The following XIRP2 variants were observed in gnomAD, a reference collection of about 807,000 sequenced individuals.
XIRP2 encodes xin actin binding repeat containing 2.
Under a neutral mutation model 277.0 loss-of-function variants are expected in XIRP2, and 236 were observed. The ratio of observed to expected loss-of-function variants is 0.85; its 90% CI spans 0.77 to 0.95. XIRP2 has a LOEUF of 0.95. Ranked by LOEUF, XIRP2 falls within the 40% of genes least tolerant of loss-of-function variation. The probability of loss-of-function intolerance (pLI) is 0.00; values close to 1 mark genes in which losing one functional copy is unlikely to be tolerated. For synonymous variants in XIRP2, 1,490 were observed against 1,416.5 expected, an observed-to-expected ratio of 1.05 and a Z score of -1.17; for missense variants, 4,640 against 4,157.5, an observed-to-expected ratio of 1.12 and a Z score of -3.19.
At chr2:167,098,034 G>A (rs761939576) in intron 2 of XIRP2, among the ~76,000 whole-genome samples, 42 of 152,140 alleles carry the variant, frequency 2.8e-4, no homozygotes, top group Non-Finnish European at 4.4e-4. Context: ...TCTTGGGGTT[G>A]CTCTTCTCGA....
At chr2:167,080,503 A>C (rs1689700352) in intron 2 of XIRP2, among the ~76,000 whole-genome samples, 1 of 152,208 alleles carries the variant, frequency 6.6e-6, no homozygotes, top group African/African-American at 2.4e-5. Flanking sequence ...AGAACTCAGA[A>C]GAAAAGGAGC....
At chr2:167,048,773 C>T (rs1688848998) in intron 2 of XIRP2, among the ~76,000 whole-genome samples, 1 of 151,764 alleles carries the variant, frequency 6.6e-6, no homozygotes, top group Admixed American at 6.6e-5. Context: ...CTTTTGAGTC[C>T]TTTCTAAGTA....
At chr2:167,117,939 G>A (rs1690940659) in intron 2 of XIRP2, among the ~76,000 whole-genome samples, 1 of 152,090 alleles carries the variant, frequency 6.6e-6, no homozygotes, top group African/African-American at 2.4e-5. Flanking sequence ...TTTGTTCTCA[G>A]CTTTGAGATC....
rs201420687 is a variant in XIRP2, at chr2:167,250,756, A to C, written c.9364A>C (p.Thr3122Pro). 1.2e-6 allele frequency: 2 copies of C among 1,613,540 alleles called. No individual in the cohort carries two copies. Among genetic ancestry groups the C allele is most frequent in the Non-Finnish European group, 1.7e-6 (2 of 1,179,724 alleles). The change falls in exon 9 of 11, where the codon ACT becomes CCT. Residue 3122 changes from threonine (T) to proline (P), a missense_variant. Thr to Pro is a conservative substitution (Grantham distance 38). Coordinates refer to ENST00000409195, the MANE Select transcript of XIRP2 (RefSeq NM_152381.6). Reference sequence around the variant, plus strand: ...TTTAAAAACACGCCCACCGTCACCAACTTTTATCACAATAGAATCTACTGC... The same window carrying C: ...TTTAAAAACACGCCCACCGTCACCACCTTTTATCACAATAGAATCTACTGC... ...PSLKTRPPSPTFITIESTARR... is the reference protein window; with the variant it reads ...PSLKTRPPSPPFITIESTARR...
intron 2 of XIRP2, among the ~76,000 whole-genome samples, chr2:166,983,369 T>C (rs1050275257): frequency 1.3e-5 from 2 of 152,166 alleles, no homozygotes; most frequent in Non-Finnish European, 2.9e-5. Context: ...TAAGATTTAT[T>C]TCACATTAAA....
intron 2 of XIRP2, among the ~76,000 whole-genome samples, chr2:166,935,807 T>C (rs1005057585): frequency 6.6e-6 from 1 of 152,226 alleles, no homozygotes; most frequent in Non-Finnish European, 1.5e-5. Context: ...TAATCCAGTA[T>C]ATCATTGATG....
rs570375393 is a variant in XIRP2, at chr2:167,250,125, T to C, written c.8733T>C (p.Ser2911=). 1.2e-6 allele frequency: 2 copies of C among 1,613,322 alleles called. No individual in the cohort carries two copies. Among genetic ancestry groups the C allele is most frequent in the South Asian group, 2.2e-5 (2 of 91,008 alleles). ...VKGIQEKQVF[S]NTKDSKQEIT... ...GCATACAAGAGAAACAAGTCTTCTCTAATACTAAAGATTCAAAGCAAGAGA... is the reference window on the plus strand; with the variant it reads ...GCATACAAGAGAAACAAGTCTTCTCCAATACTAAAGATTCAAAGCAAGAGA... Residue 2911 remains serine (S), a synonymous_variant, in exon 9 of 11, where the codon TCT becomes TCC. Coordinates refer to ENST00000409195, the MANE Select transcript of XIRP2 (RefSeq NM_152381.6).
chr2:166,998,196 C>T (rs749937992), intron 2 of XIRP2, among the ~76,000 whole-genome samples: 7 of 152,240 alleles, frequency 4.6e-5, no homozygotes, highest in Middle Eastern at 3.4e-3. Context: ...GCATGCAAAT[C>T]ACCACAGCAC....
chr2:167,070,799 A>AT (rs961488700), intron 2 of XIRP2, among the ~76,000 whole-genome samples: 4 of 151,840 alleles, frequency 2.6e-5, no homozygotes, highest in Admixed American at 1.3e-4. Context: ...TGACTTTGGC[A>AT]TTTTTTTTAA....
Position 167,249,277 on chromosome 2 carries a change from C to A in XIRP2, c.7885C>A (p.Leu2629Ile). 6.2e-7 allele frequency: 1 copy of A among 1,613,824 alleles called. No homozygotes were observed. The highest frequency in any genetic ancestry group is 8.5e-7 in the Non-Finnish European group (1 of 1,179,828). ...ACTAGGAGTGTGTTCTGATAACCAACTCTCCACAACATCGCCAGAAACAGT... is the reference window on the plus strand; with the variant it reads ...ACTAGGAGTGTGTTCTGATAACCAAATCTCCACAACATCGCCAGAAACAGT... ...RILGVCSDNQ[L>I]STTSPETVAA... Residue 2629 changes from leucine (L) to isoleucine (I), a missense_variant, in exon 9 of 11, where the codon CTC becomes ATC. By Grantham distance (5) the Leu-to-Ile change is conservative. Transcript: ENST00000409195.
rs1409228895 is a variant in XIRP2 at position 167,006,948 on chromosome 2, A to G, written c.408+103058A>G. Among the ~76,000 whole-genome samples the G allele has an allele frequency of 2.0e-5, 3 of 151,688 alleles. No homozygotes were observed. The South Asian group carries it at 6.2e-4, about 31-fold the overall frequency. ...TAATCTAGAAAAGTAATGAAAATCT[A>G]TAGGAACAATGAAGAAGACTTCAAT... On this transcript the variant is annotated intron_variant, in intron 2 of 10. Transcript: ENST00000409195.
At chr2:167,046,271 A>C (rs1004961334) in intron 2 of XIRP2, among the ~76,000 whole-genome samples, 1 of 151,380 alleles carries the variant, frequency 6.6e-6, no homozygotes, top group Non-Finnish European at 1.5e-5. Flanking sequence ...AGACTATGGG[A>C]TTTTCTAGTA....
At chr2:167,136,392 T>C (rs1181856741) in intron 3 of XIRP2, among the ~76,000 whole-genome samples, 1 of 152,152 alleles carries the variant, frequency 6.6e-6, no homozygotes, top group Non-Finnish European at 1.5e-5. Flanking sequence ...AAAACATACT[T>C]GTCTTTCTGT....
intron 2 of XIRP2, among the ~76,000 whole-genome samples, chr2:167,007,979 G>A (rs578161045): frequency 1.3e-4 from 19 of 151,308 alleles, no homozygotes; most frequent in Non-Finnish European, 2.7e-4. Flanking sequence ...TTTTCTCATT[G>A]TAAGTATTCA....
chr2:166,949,463 T>G (rs1685970914), intron 2 of XIRP2, among the ~76,000 whole-genome samples: 1 of 152,074 alleles, frequency 6.6e-6, no homozygotes, highest in Admixed American at 6.6e-5. Flanking sequence ...TTCATCTTGG[T>G]CCTTTTTGTT....
rs1288880689 is a variant in XIRP2 at position 167,244,251 on chromosome 2, A to G, written c.2859A>G (p.Glu953=). 1 of 1,613,808 alleles carries G rather than the reference A, an allele frequency of 6.2e-7. No homozygotes were observed. Among genetic ancestry groups the G allele is most frequent in the Non-Finnish European group, 8.5e-7 (1 of 1,179,848 alleles). The change falls in exon 9 of 11, where the codon GAA becomes GAG. Residue 953 remains glutamate (E), a synonymous_variant. Transcript: ENST00000409195. The part of the protein sequence containing the change: ...GDVKNYTHIF[E]SNNLIKFDAS... ...TGAAGAATTACACACATATCTTTGAATCAAACAATTTAATTAAATTTGATG... is the reference window on the plus strand; with the variant it reads ...TGAAGAATTACACACATATCTTTGAGTCAAACAATTTAATTAAATTTGATG...
intron 2 of XIRP2, among the ~76,000 whole-genome samples, chr2:166,908,371 A>G (rs1405159932): frequency 2.6e-5 from 4 of 152,114 alleles, no homozygotes; most frequent in Non-Finnish European, 5.9e-5. Context: ...GCCAGTGATG[A>G]TGAGCATTTT....
chr2:167,179,825 T>A (rs900181845), intron 3 of XIRP2, among the ~76,000 whole-genome samples: 1 of 151,870 alleles, frequency 6.6e-6, no homozygotes, highest in African/African-American at 2.4e-5. Flanking sequence ...GTGTGTGTGT[T>A]TTTGTGGAGA....
intron 3 of XIRP2, among the ~76,000 whole-genome samples, chr2:167,158,840 A>G (rs1692279676): frequency 6.6e-6 from 1 of 152,346 alleles, no homozygotes; most frequent in South Asian, 2.1e-4. Context: ...TTGAACAGGG[A>G]AAGTATATTT....
Sources: gnomAD v4.1 joint callset for allele counts (sites outside exome capture counted in the v4.1 genomes callset) on GRCh38, gnomAD v4.1.1 for gene constraint, MANE v1.5 for transcripts, NCBI Gene and HGNC (gene_info 2026-07-23, HGNC 2026-07-21) for gene names.